The following CCNI variants were observed in gnomAD, a reference collection of about 807,000 sequenced individuals.
CCNI encodes the protein cyclin I, also known as cyclin-I.
A neutral mutation model predicts 34.1 loss-of-function variants in CCNI; 14 were observed. The observed-to-expected ratio is 0.41, with a 90% confidence interval of 0.27 to 0.64. The LOEUF (loss-of-function observed/expected upper bound fraction) is 0.64. Among genes scored for constraint, CCNI ranks in the 30% least tolerant of loss-of-function variants. The probability of loss-of-function intolerance (pLI) is 0.31; values close to 1 mark genes in which losing one functional copy is unlikely to be tolerated. For missense variants in CCNI, 385 were observed against 440.5 expected, an observed-to-expected ratio of 0.87 and a Z score of 1.13; for synonymous variants, 154 against 158.4, an observed-to-expected ratio of 0.97 and a Z score of 0.21.
intron 1 of CCNI, among the ~76,000 whole-genome samples, chr4:77,072,296 CGAGG>C (rs1729527040): frequency 6.6e-6 from 1 of 151,292 alleles, no homozygotes; most frequent in Non-Finnish European, 1.5e-5. Context: ...AAAAGTAAAA[CGAGG>C]TAAAATTTCC....
At chr4:77,062,414 A>G (rs2109821602) in intron 2 of CCNI, among the ~76,000 whole-genome samples, 1 of 152,268 alleles carries the variant, frequency 6.6e-6, no homozygotes, top group South Asian at 2.1e-4. Flanking sequence ...AAATAAAAAA[A>G]TTAGGCATGG....
At chr4:77,057,112 G>A (rs909717905) in intron 3 of CCNI, among the ~76,000 whole-genome samples, 3 of 152,080 alleles carry the variant, frequency 2.0e-5, no homozygotes, top group Admixed American at 2.0e-4. Flanking sequence ...TGCAATCTGG[G>A]ATATCTGAAA....
chr4:77,049,172 G>A (rs1001274788), intron 6 of CCNI, among the ~76,000 whole-genome samples: 5 of 151,892 alleles, frequency 3.3e-5, no homozygotes, highest in African/African-American at 1.2e-4. Context: ...AATAGTAAAT[G>A]AAAAATTTAG....
intron 2 of CCNI, 31 bp from the exon 3 acceptor site, chr4:77,058,666 C>G: frequency 1.2e-6 from 2 of 1,600,082 alleles, no homozygotes; most frequent in Non-Finnish European, 1.7e-6. Flanking sequence ...AAACAGAAGA[C>G]AAAGTTTGAG....
Position 77,066,368 on chromosome 4 carries a change from C to T in CCNI, c.-6G>A, listed in dbSNP as rs766688791. 26 of 1,613,734 alleles carry T rather than the reference C, an allele frequency of 1.6e-5. 1 individual carries two copies. The South Asian group carries it at 2.6e-4, about 16-fold the overall frequency. ...AAAGGCCCTGGAAACTTCATGATAT[C>T]CTTTGGATCTGCCTGCTACCCAGCT... is the stretch of plus-strand genomic sequence containing the variant. On this transcript the variant is annotated 5_prime_UTR_variant, in exon 2 of 7. Transcript: ENST00000237654.
intron 1 of CCNI, among the ~76,000 whole-genome samples, chr4:77,068,972 A>T (rs564091263): frequency 1.3e-5 from 2 of 152,192 alleles, no homozygotes; most frequent in Admixed American, 6.5e-5. Context: ...TTAGCATAAA[A>T]TATCTTCATA....
chr4:77,062,499 G>A (rs1464258532), intron 2 of CCNI, among the ~76,000 whole-genome samples: 1 of 151,944 alleles, frequency 6.6e-6, no homozygotes, highest in Admixed American at 6.5e-5. Context: ...AATAGAGGCT[G>A]TAGTGAACTG....
chr4:77,071,545 GAA>G (rs1729466044), intron 1 of CCNI, among the ~76,000 whole-genome samples: 1 of 152,086 alleles, frequency 6.6e-6, no homozygotes, highest in South Asian at 2.1e-4. Context: ...AAACAGCAGT[GAA>G]AAGTCAATGA....
intron 1 of CCNI, among the ~76,000 whole-genome samples, chr4:77,070,477 T>C (rs1210184843): frequency 2.2e-4 from 33 of 147,114 alleles, no homozygotes; most frequent in African/African-American, 7.9e-4. Flanking sequence ...GTACTTTCTT[T>C]TTTTTTTTTT....
chr4:77,075,541 C>T lies in CCNI; in HGVS notation c.-113G>A. The T allele has an allele frequency of 1.0e-6, 1 of 988,542 alleles. No homozygotes were observed. Among genetic ancestry groups the T allele is most frequent in the Non-Finnish European group, 1.2e-6 (1 of 830,696 alleles). 61.2% of individuals were successfully genotyped at this position (988,542 alleles called of 1,614,324 possible). On this transcript the variant is annotated 5_prime_UTR_variant, in exon 1 of 7. It removes an upstream start codon present in the reference 5' UTR. Coordinates refer to ENST00000237654, the MANE Select transcript of CCNI (RefSeq NM_006835.3). The stretch of plus-strand genomic sequence containing the variant: ...AGGCCTCACAGTGGTGACGCGGGGT[C>T]ATCCGGGGGCCCGTTACCACCTCAT...
At chr4:77,061,585 A>C (rs1340693900) in intron 2 of CCNI, among the ~76,000 whole-genome samples, 2 of 152,202 alleles carry the variant, frequency 1.3e-5, no homozygotes, top group South Asian at 4.1e-4. Context: ...TTTAAACTCT[A>C]AAAGGTTCAC....
chr4:77,069,692 G>C (rs919740427), intron 1 of CCNI, among the ~76,000 whole-genome samples: 1 of 145,342 alleles, frequency 6.9e-6, no homozygotes, highest in Non-Finnish European at 1.5e-5. Flanking sequence ...ACAGTACTTC[G>C]ACGGAACAGA....
In CCNI at chr4:77,075,574, G is replaced by GGCGCGCGGAGGCGGT. The variant is rs1305212678; in HGVS notation, c.-161_-147dup. 9 of 988,192 alleles carry GGCGCGCGGAGGCGGT rather than the reference G, an allele frequency of 9.1e-6. No homozygotes were observed. In the South Asian group the frequency reaches 1.9e-4, roughly 21 times the overall value. The allele number at this position is 988,192 out of a possible 1,614,324, so 61.2% of individuals were successfully genotyped here. A position where few individuals can be genotyped will look rare whatever the true frequency, so the allele number is the denominator to read the frequency against. Reference sequence around the variant, plus strand: ...GGCCCGTTACCACCTCATTCTCATAGGCGCGCGGAGGCGGTGCGCGCGGGA... The same window carrying GGCGCGCGGAGGCGGT: ...GGCCCGTTACCACCTCATTCTCATAGGCGCGCGGAGGCGGTGCGCGCGGAGGCGGTGCGCGCGGGA... On this transcript the variant is annotated 5_prime_UTR_variant, in exon 1 of 7. Coordinates refer to ENST00000237654, the MANE Select transcript of CCNI (RefSeq NM_006835.3).
chr4:77,058,883 A>G (rs1482297204), intron 2 of CCNI, among the ~76,000 whole-genome samples: 2 of 152,172 alleles, frequency 1.3e-5, no homozygotes, highest in African/African-American at 2.4e-5. Context: ...CCAAATATCC[A>G]TAGTTGAATT....
chr4:77,069,399 C>G (rs1370161401), intron 1 of CCNI, among the ~76,000 whole-genome samples: 5 of 151,944 alleles, frequency 3.3e-5, no homozygotes, highest in African/African-American at 1.2e-4. Context: ...TAAAGAAATC[C>G]CTATGCAGTC....
At chr4:77,051,031 C>T (rs1294571879) in intron 6 of CCNI, among the ~76,000 whole-genome samples, 2 of 152,186 alleles carry the variant, frequency 1.3e-5, no homozygotes, top group African/African-American at 4.8e-5. Flanking sequence ...AACCCACTCG[C>T]ATTGTCCTGT....
At chr4:77,058,150 T>C (rs1368494886) in intron 3 of CCNI, among the ~76,000 whole-genome samples, 1 of 151,140 alleles carries the variant, frequency 6.6e-6, no homozygotes, top group Non-Finnish European at 1.5e-5. Context: ...ACGTCGGGAG[T>C]TCAAGACCAG....
chr4:77,060,444 A>G (rs1194992243), intron 2 of CCNI, among the ~76,000 whole-genome samples: 1 of 152,158 alleles, frequency 6.6e-6, no homozygotes, highest in Non-Finnish European at 1.5e-5. Flanking sequence ...TCATGACAAT[A>G]TCTTTGAACT....
chr4:77,071,769 A>G (rs769999071), intron 1 of CCNI, among the ~76,000 whole-genome samples: 20 of 152,228 alleles, frequency 1.3e-4, no homozygotes, highest in Admixed American at 1.0e-3. Flanking sequence ...GTTCCCAGAA[A>G]TACAAAATAC....
Sources: gnomAD v4.1 joint callset for allele counts (sites outside exome capture counted in the v4.1 genomes callset) on GRCh38, gnomAD v4.1.1 for gene constraint, MANE v1.5 for transcripts, NCBI Gene and HGNC (gene_info 2026-07-23, HGNC 2026-07-21) for gene names.